The following C11orf65 variants were observed in gnomAD, a reference collection of about 807,000 sequenced individuals.
C11orf65 encodes the protein chromosome 11 open reading frame 65.
In C11orf65, 38 loss-of-function variants were observed where a neutral mutation model predicts 35.3. The observed-to-expected ratio is 1.08, with a 90% confidence interval of 0.83 to 1.41. The LOEUF (loss-of-function observed/expected upper bound fraction) is 1.41. Ranked by LOEUF, C11orf65 falls within the 40% of genes most tolerant of loss-of-function variation. C11orf65 has a pLI of 0.00. For synonymous variants in C11orf65, 105 were observed against 114.4 expected (o/e 0.92, Z 0.53); for missense variants, 370 against 367.1 (o/e 1.01, Z -0.06).
rs886039623 is a variant in C11orf65, at chr11:108,343,274, TC to T, written c.227-7983del. The T allele has an allele frequency of 6.2e-7, 1 of 1,614,022 alleles. No individual in the cohort carries two copies. The highest frequency in any genetic ancestry group is 8.5e-7 in the Non-Finnish European group (1 of 1,179,930). On this transcript the variant is annotated intron_variant, in intron 2 of 3. Transcript: ENST00000524755. ...GTTCTTGAATGGTGCACAGGAACTG[TC>T]CCCATTGGTGAATTTCTTGTTAACA...
chr11:108,391,140 C>A (rs1158620504), intron 7 of C11orf65, among the ~76,000 whole-genome samples: 1 of 152,026 alleles, frequency 6.6e-6, no homozygotes, highest in Non-Finnish European at 1.5e-5. Context: ...TTTCTTATCT[C>A]ACTTTTACTG....
At chr11:108,467,891 C>G (rs1488320623), upstream of C11orf65, among the ~76,000 whole-genome samples, 1 of 152,152 alleles carries the variant, frequency 6.6e-6, no homozygotes, top group African/African-American at 2.4e-5. Flanking sequence ...GTGGCGCGAT[C>G]TCGGCTCACT....
chr11:108,417,274 G>A lies in C11orf65; in HGVS notation c.175-10125C>T, dbSNP rs145818349. ...AACCTGCTGCCAGGTCAGGTGCGGC[G>A]GCTCACACCTGTAATCCCAGCACTT... is the stretch of plus-strand genomic sequence containing the variant. On this transcript the variant is annotated intron_variant, in intron 3 of 8. Coordinates refer to ENST00000393084, the MANE Select transcript of C11orf65 (RefSeq NM_152587.5). Among the ~76,000 whole-genome samples, 13 of 152,252 alleles carry A rather than the reference G, an allele frequency of 8.5e-5. No homozygotes were observed. In the East Asian group the frequency reaches 2.3e-3, roughly 27 times the overall value.
Position 108,316,094 on chromosome 11 carries a change from G to C in C11orf65, c.641-7023C>G, listed in dbSNP as rs376521407. On this transcript the variant is annotated intron_variant, in intron 6 of 6. Coordinates refer to the C11orf65 transcript ENST00000525729. ...GAAACAGCAATCCCCTCATCAACAC[G>C]CCAGGCAGGAATCATTCAGGTACAT... 9 of 1,613,862 alleles carry C rather than the reference G, an allele frequency of 5.6e-6. No individual in the cohort carries two copies. In the African/African-American group the frequency reaches 1.2e-4, roughly 22 times the overall value.
At chr11:108,355,703 A>G (rs2089825723) in intron 2 of C11orf65, 1 of 152,256 alleles carries the variant, frequency 6.6e-6, no homozygotes, top group Admixed American at 6.5e-5. Flanking sequence ...GATGCTGATC[A>G]AATTCAAACC....
At chr11:108,312,903 C>G (rs991762217) in intron 6 of C11orf65, among the ~76,000 whole-genome samples, 19 of 152,144 alleles carry the variant, frequency 1.2e-4, no homozygotes, top group African/African-American at 4.6e-4. Context: ...CTTAAATTGG[C>G]TCATGTTACT....
chr11:108,430,892 T>C (rs2092978822), intron 3 of C11orf65, among the ~76,000 whole-genome samples: 1 of 111,956 alleles, frequency 8.9e-6, no homozygotes, highest in Non-Finnish European at 1.8e-5. Context: ...CCCATAAGGA[T>C]AGGGAACACA....
At chr11:108,407,721 G>A (rs2092568529) in intron 3 of C11orf65, among the ~76,000 whole-genome samples, 1 of 151,154 alleles carries the variant, frequency 6.6e-6, no homozygotes, top group Non-Finnish European at 1.5e-5. Flanking sequence ...GAGGTGGGTG[G>A]ATAATGAGGT....
chr11:108,426,401 G>T (rs1233909327), intron 3 of C11orf65, among the ~76,000 whole-genome samples: 1 of 152,054 alleles, frequency 6.6e-6, no homozygotes, highest in African/African-American at 2.4e-5. Flanking sequence ...ATTCACAATT[G>T]CTACAAAGAG....
rs2136013971 is a variant in C11orf65, at chr11:108,310,206, A to G, written c.641-1135T>C. 1 of 1,613,638 alleles carries G rather than the reference A, an allele frequency of 6.2e-7. No individual in the cohort carries two copies. The highest frequency in any genetic ancestry group is 2.2e-5 in the East Asian group (1 of 44,770). On this transcript the variant is annotated intron_variant, in intron 6 of 6. Transcript: ENST00000525729. Reference sequence around the variant, plus strand: ...TAATGATGCTTTCTGGCTGGATTTAAATTATCTAGAAGTTGCCAAGGTAGC... The same window carrying G: ...TAATGATGCTTTCTGGCTGGATTTAGATTATCTAGAAGTTGCCAAGGTAGC...
intron 6 of C11orf65, among the ~76,000 whole-genome samples, chr11:108,316,753 C>CAAAAAAA (rs58165074): frequency 5.5e-5 from 4 of 72,442 alleles, no homozygotes; most frequent in South Asian, 5.8e-4. Flanking sequence ...ACTAAAAATA[C>CAAAAAAA]AAAAAAAAAA....
intron 6 of C11orf65, among the ~76,000 whole-genome samples, chr11:108,322,240 C>T (rs767711399): frequency 6.6e-6 from 1 of 151,928 alleles, no homozygotes; most frequent in South Asian, 2.1e-4. Flanking sequence ...CTGCAGTCTC[C>T]ACCTCCCAGG....
chr11:108,467,615 A>G (rs1257614355), upstream of C11orf65: 1 of 152,074 alleles, frequency 6.6e-6, no homozygotes, highest in Middle Eastern at 3.2e-3. Flanking sequence ...GCTCTGACAA[A>G]GTGCAGGGGA....
upstream of C11orf65, among the ~76,000 whole-genome samples, chr11:108,469,547 C>A (rs2093564407): frequency 6.6e-6 from 1 of 151,388 alleles, no homozygotes; most frequent in Admixed American, 6.6e-5. Context: ...TTGCATCAAC[C>A]TAATAAACTG....
rs757193159 is a variant in C11orf65 at position 108,383,189 on chromosome 11, A to C, written c.788-14T>G. On this transcript the variant is annotated splice_polypyrimidine_tract_variant and intron_variant, in intron 8 of 8. Coordinates refer to ENST00000393084, the MANE Select transcript of C11orf65 (RefSeq NM_152587.5). ...TAAACCTGAATCCTAAAGAGAAGTG[A>C]CAAATGATTAGAAAGATACCAGATA... 17 of 1,559,464 alleles carry C rather than the reference A, an allele frequency of 1.1e-5. No homozygotes were observed. The highest frequency in any genetic ancestry group is 1.3e-5 in the Non-Finnish European group (15 of 1,151,444).
At chr11:108,456,496 T>G (rs2093412714) in intron 2 of C11orf65, among the ~76,000 whole-genome samples, 1 of 151,912 alleles carries the variant, frequency 6.6e-6, no homozygotes, top group Non-Finnish European at 1.5e-5. Flanking sequence ...GAAGAAAAAG[T>G]GGTGGCTGGG....
chr11:108,414,545 A>C (rs2092704902), intron 3 of C11orf65, among the ~76,000 whole-genome samples: 1 of 152,090 alleles, frequency 6.6e-6, no homozygotes, highest in Non-Finnish European at 1.5e-5. Context: ...GCCTATCTCT[A>C]TTAAAGAAAT....
exon 7 of C11orf65, chr11:108,309,056 A>G (rs1478573722): frequency 1.3e-6 from 2 of 1,505,876 alleles, no homozygotes. Flanking sequence ...GCTGAATAAG[A>G]TCCTGAAGAA....
chr11:108,315,680 T>C, intron 6 of C11orf65: 1 of 696,986 alleles, frequency 1.4e-6, no homozygotes. Context: ...CAGAACTGTA[T>C]TTCAGAATCA....
Sources: allele counts gnomAD v4.1 joint callset (sites outside exome capture counted in the v4.1 genomes callset), GRCh38; gene constraint gnomAD v4.1.1; transcripts MANE v1.5; gene names NCBI Gene and HGNC (gene_info 2026-07-23, HGNC 2026-07-21).